The following HK2 variants were observed in gnomAD, a reference collection of about 807,000 sequenced individuals.
HK2 encodes the protein hexokinase-2.
In HK2, 42 loss-of-function variants were observed where a neutral mutation model predicts 92.9. That is an observed-to-expected ratio of 0.45 (90% confidence interval 0.35 to 0.58). The LOEUF is 0.58. Ranked by LOEUF, HK2 falls within the 20% of genes least tolerant of loss-of-function variation. The pLI is 0.00. For missense variants in HK2, 978 were observed against 1,245.1 expected, an observed-to-expected ratio of 0.79 and a Z score of 3.23; for synonymous variants, 422 against 468.0, an observed-to-expected ratio of 0.90 and a Z score of 1.27.
At chr2:74,873,983 G>C (rs779379546) in intron 6 of HK2, 40 bp downstream of exon 6, 4 of 1,475,018 alleles carry the variant, frequency 2.7e-6, no homozygotes, top group Non-Finnish European at 2.8e-6. Flanking sequence ...TGCTGGCCAA[G>C]GGATGGGGGT....
chr2:74,844,227 T>C (rs1482859609), intron 1 of HK2, among the ~76,000 whole-genome samples: 1 of 81,582 alleles, frequency 1.2e-5, no homozygotes, highest in Non-Finnish European at 2.8e-5. Context: ...AAACCAGATG[T>C]TGTGTACTAA....
Position 74,867,803 on chromosome 2 carries a change from G to A in HK2, c.375+19G>A, listed in dbSNP as rs1226866242. The A allele has an allele frequency of 1.2e-6, 2 of 1,613,864 alleles. No homozygotes were observed. The highest frequency in any genetic ancestry group is 1.7e-6 in the Non-Finnish European group (2 of 1,179,884). On this transcript the variant is annotated intron_variant, in intron 3 of 17. Coordinates refer to ENST00000290573, the MANE Select transcript of HK2 (RefSeq NM_000189.5). The stretch of plus-strand genomic sequence containing the variant: ...CACCCAGGTATGACCCTTCTCTCAG[G>A]GCAGCCCCTGGTGACAAAAAACTTC...
intron 1 of HK2, among the ~76,000 whole-genome samples, chr2:74,850,579 A>G (rs1369070690): frequency 2.6e-5 from 4 of 152,082 alleles, no homozygotes; most frequent in African/African-American, 9.7e-5. Context: ...CTGCAGTCCC[A>G]CTGCTGTGTG....
At chr2:74,878,993 G>C in intron 9 of HK2, 72 bp downstream of exon 9, 1 of 1,275,240 alleles carries the variant, frequency 7.8e-7, no homozygotes, top group Non-Finnish European at 1.1e-6. Context: ...CCTCATGCCA[G>C]CTCCATTTTG....
At chr2:74,885,376 T>C in intron 12 of HK2, 118 bp from the exon 13 acceptor site, 1 of 742,406 alleles carries the variant, frequency 1.3e-6, no homozygotes, top group Non-Finnish European at 2.5e-6. Flanking sequence ...AGATGATTGG[T>C]GACTCTGGGG....
chr2:74,842,467 A>G (rs893508896), intron 1 of HK2, among the ~76,000 whole-genome samples: 1 of 152,204 alleles, frequency 6.6e-6, no homozygotes, highest in Non-Finnish European at 1.5e-5. Flanking sequence ...AAGTCGGAGC[A>G]TCTGTACATA....
intron 1 of HK2, among the ~76,000 whole-genome samples, chr2:74,842,693 G>A (rs958337523): frequency 2.0e-5 from 3 of 152,200 alleles, no homozygotes; most frequent in Admixed American, 6.5e-5. Flanking sequence ...TGCGTCCACC[G>A]TGCTTCTAAA....
intron 9 of HK2, 130 bp downstream of exon 9, chr2:74,879,051 G>T: frequency 1.2e-6 from 1 of 818,186 alleles, no homozygotes; most frequent in Non-Finnish European, 2.1e-6. Flanking sequence ...GGTCTTGGTG[G>T]AATGAAAGTT....
At chr2:74,852,337 G>T (rs1175581829) in intron 1 of HK2, among the ~76,000 whole-genome samples, 1 of 152,206 alleles carries the variant, frequency 6.6e-6, no homozygotes, top group African/African-American at 2.4e-5. Flanking sequence ...GATCTGGAGT[G>T]GGAAGCCTCC....
chr2:74,859,637 A>C (rs1247363133), intron 2 of HK2, among the ~76,000 whole-genome samples: 1 of 152,210 alleles, frequency 6.6e-6, no homozygotes, highest in Non-Finnish European at 1.5e-5. Context: ...TCCATCTCAA[A>C]AAAAAAGAGT....
At chr2:74,842,659 G>A (rs1388170559) in intron 1 of HK2, among the ~76,000 whole-genome samples, 2 of 152,224 alleles carry the variant, frequency 1.3e-5, no homozygotes, top group African/African-American at 2.4e-5. Flanking sequence ...AGGATGGAAA[G>A]TTCCTGAAGC....
intron 1 of HK2, among the ~76,000 whole-genome samples, chr2:74,853,871 G>A (rs752657302): frequency 2.6e-5 from 4 of 152,124 alleles, no homozygotes; most frequent in Admixed American, 6.5e-5. Flanking sequence ...GATTGTAGGC[G>A]TCCGGGAAAA....
chr2:74,855,278 G>A (rs554683113), intron 2 of HK2, among the ~76,000 whole-genome samples: 122 of 152,296 alleles, frequency 8.0e-4, no homozygotes, highest in African/African-American at 2.8e-3. Context: ...TACAGCTACC[G>A]CGCCCGCTGC....
In HK2 at chr2:74,891,578, G is replaced by A. The variant is rs1010744074; in HGVS notation, c.*637G>A. On this transcript the variant is annotated 3_prime_UTR_variant, in exon 18 of 18. Coordinates refer to ENST00000290573, the MANE Select transcript of HK2 (RefSeq NM_000189.5). The stretch of plus-strand genomic sequence containing the variant: ...GTCTGGGCAATGAAACCAAAGCCAG[G>A]AGTTGACGCATCCTGCAGTTGGGCC... The A allele has an allele frequency of 2.0e-5, 3 of 152,866 alleles. No homozygotes were observed. The highest frequency in any genetic ancestry group is 4.8e-5 in the African/African-American group (2 of 41,442). The allele number at this position is 152,866 out of a possible 1,614,324, so 9.5% of individuals were successfully genotyped here. A position where few individuals can be genotyped will look rare whatever the true frequency, so the allele number is the denominator to read the frequency against.
intron 17 of HK2, 116 bp from the exon 18 acceptor site, chr2:74,890,681 C>T: frequency 8.6e-7 from 1 of 1,161,680 alleles, no homozygotes; most frequent in Non-Finnish European, 1.3e-6. Context: ...TCCTTCTCCT[C>T]TTCTTAATTA....
rs757832999 is a variant in HK2, at chr2:74,872,560, G to T, written c.495+141G>T. 3 of 727,192 alleles carry T rather than the reference G, an allele frequency of 4.1e-6. 1 individual carries two copies. The highest frequency in any genetic ancestry group is 6.6e-6 in the Non-Finnish European group (3 of 454,272). The allele number at this position is 727,192 out of a possible 1,614,324, so 45.0% of individuals were successfully genotyped here. On this transcript the variant is annotated intron_variant, in intron 4 of 17. Transcript: ENST00000290573. The stretch of plus-strand genomic sequence containing the variant: ...AAGTTCTGCCTTTCTGGGTGACTGT[G>T]TATGTCGATGGGGGGGCTGGTGAAG...
Position 74,834,672 on chromosome 2 carries a change from T to C in HK2, c.63+29T>C, listed in dbSNP as rs1436332033. On this transcript the variant is annotated intron_variant, in intron 1 of 17. Transcript: ENST00000290573. The surrounding 1 kb of genome is among the most constrained non-coding windows in gnomAD (Gnocchi z 4.2). The stretch of plus-strand genomic sequence containing the variant: ...AGTCAGCGCGGGCGGGGCGGCAGGC[T>C]GGGCTCTGGCAAAGTGGTCTGGCCT... 2.5e-6 allele frequency: 4 copies of C among 1,612,876 alleles called. No homozygotes were observed. In the South Asian group the frequency reaches 4.4e-5, roughly 18 times the overall value.
intron 1 of HK2, among the ~76,000 whole-genome samples, chr2:74,839,558 C>T (rs1688254042): frequency 6.6e-6 from 1 of 152,072 alleles, no homozygotes; most frequent in African/African-American, 2.4e-5. Context: ...GTTAACCATC[C>T]GTTTGTTTTA....
intron 1 of HK2, among the ~76,000 whole-genome samples, chr2:74,838,027 C>T (rs1227839127): frequency 6.6e-6 from 1 of 152,144 alleles, no homozygotes; most frequent in Non-Finnish European, 1.5e-5. Context: ...TCCACTTAAC[C>T]CCTTCCAGCT....
Sources: allele counts gnomAD v4.1 joint callset (sites outside exome capture counted in the v4.1 genomes callset), GRCh38; gene constraint gnomAD v4.1.1; non-coding constraint Gnocchi (gnomAD v3.1); transcripts MANE v1.5; gene names NCBI Gene and HGNC (gene_info 2026-07-23, HGNC 2026-07-21).